Variants in EWSR1 observed in about 807,000 individuals in gnomAD.
The protein encoded by EWSR1 is EWS RNA binding protein 1, also known as RNA-binding protein EWS.
In EWSR1, 14 loss-of-function variants were observed where a neutral mutation model predicts 92.1. The ratio of observed to expected loss-of-function variants is 0.15; its 90% confidence interval spans 0.10 to 0.24. The LOEUF (loss-of-function observed/expected upper bound fraction) is 0.24. Among genes scored for constraint, EWSR1 ranks in the 10% least tolerant of loss-of-function variants. The probability of loss-of-function intolerance (pLI) is 1.00; values close to 1 mark genes in which losing one functional copy is unlikely to be tolerated. For missense variants in EWSR1, 637 were observed against 870.9 expected, an observed-to-expected ratio of 0.73 and a Z score of 3.38; for synonymous variants, 303 against 292.9, an observed-to-expected ratio of 1.03 and a Z score of -0.35.
At chr22:29,298,037 A>G (rs2061004332) in intron 13 of EWSR1, 88 bp downstream of exon 13, 1 of 1,422,956 alleles carries the variant, frequency 7.0e-7, no homozygotes. Context: ...GTGAAGAAAT[A>G]TAAAATTGTG....
intron 6 of EWSR1, among the ~76,000 whole-genome samples, chr22:29,284,513 C>G (rs1175092384): frequency 6.6e-6 from 1 of 151,260 alleles, no homozygotes; most frequent in Non-Finnish European, 1.5e-5. Flanking sequence ...AGGTTCGTAC[C>G]TATTGCATTG....
chr22:29,297,753 T>C, intron 12 of EWSR1, 74 bp from the exon 13 acceptor site: 2 of 1,579,628 alleles, frequency 1.3e-6, no homozygotes, highest in Non-Finnish European at 1.7e-6. Context: ...CTGGGAGTGG[T>C]CATTTGATGA....
At chr22:29,291,492 C>A in intron 8 of EWSR1, 70 bp from the exon 9 acceptor site, 1 of 1,472,658 alleles carries the variant, frequency 6.8e-7, no homozygotes, top group Admixed American at 2.1e-5. Context: ...TCCCCACGAG[C>A]CCCCCCAAGG....
At chr22:29,275,989 T>C (rs1183908330) in intron 4 of EWSR1, 2 of 231,234 alleles carry the variant, frequency 8.6e-6, no homozygotes, top group Admixed American at 5.6e-5. Context: ...TTCATTTTGC[T>C]TGGCTGCTTT....
rs2061089649 is a variant in EWSR1, at chr22:29,298,742, G to T, written c.1427G>T (p.Gly476Val). Reference sequence around the variant, plus strand: ...GTTGTTCTTGTTGTAGGTCCAGGAGGCCCAGGAGGTCCTGGGGGACCCATG... The same window carrying T: ...GTTGTTCTTGTTGTAGGTCCAGGAGTCCCAGGAGGTCCTGGGGGACCCATG... ...MPPPLRGGPG[G>V]PGGPGGPMGR... The change falls in exon 14 of 17, where the codon GGC becomes GTC. Residue 476 changes from glycine to valine, a missense_variant. Gly to Val is a moderately radical substitution (Grantham distance 109). Transcript: ENST00000397938. The T allele has an allele frequency of 6.2e-7, 1 of 1,613,250 alleles. No homozygotes were observed. Among genetic ancestry groups the T allele is most frequent in the Non-Finnish European group, 8.5e-7 (1 of 1,179,824 alleles).
At chr22:29,274,471 G>T in intron 4 of EWSR1, 1 of 556,098 alleles carries the variant, frequency 1.8e-6, no homozygotes, top group Non-Finnish European at 3.2e-6. Context: ...ATATGATTTT[G>T]GGAAAGGTTT....
At position 29,278,118 on chromosome 22, in the gene EWSR1, C is replaced by A. The variant is rs780159761; in HGVS notation, c.315C>A (p.Val105=). Residue 105 remains valine, a synonymous_variant, in exon 5 of 17, where the codon GTC becomes GTA. Coordinates refer to ENST00000397938, the MANE Select transcript of EWSR1 (RefSeq NM_005243.4). The part of the protein sequence containing the change: ...TGAYDTTTAT[V]TTTQASYAAQ... ...CTTATGATACCACCACTGCTACAGT[C>A]ACCACCACCCAGGCCTCCTATGCAG... The A allele has an allele frequency of 6.2e-7, 1 of 1,614,186 alleles. No homozygotes were observed. The highest frequency in any genetic ancestry group is 8.5e-7 in the Non-Finnish European group (1 of 1,180,024).
At chr22:29,276,381 C>T (rs2059126034) in intron 4 of EWSR1, 1 of 225,656 alleles carries the variant, frequency 4.4e-6, no homozygotes, top group African/African-American at 2.2e-5. Context: ...CACATTTTAA[C>T]TCAGCAGTTT....
In EWSR1 at chr22:29,272,228, A is replaced by G. The variant is rs768830118; in HGVS notation, c.26A>G (p.Tyr9Cys). The change falls in exon 2 of 17, where the codon TAT (tyrosine) becomes TGT (cysteine). Residue 9 changes from tyrosine to cysteine, a missense_variant. Around this residue, in one of 5 missense-constraint regions of EWSR1, gnomAD observed 144 missense variants for 189.0 expected, o/e 0.76. Coordinates refer to ENST00000397938, the MANE Select transcript of EWSR1 (RefSeq NM_005243.4). MASTDYST[Y>C]SQAAAQQGYS... ...TGTTTTCCTCTAGATTACAGTACCT[A>G]TAGCCAAGCTGCAGCGCAGCAGGGG... 6.2e-7 allele frequency: 1 copy of G among 1,614,084 alleles called. No individual in the cohort carries two copies. Among genetic ancestry groups the G allele is most frequent in the Non-Finnish European group, 8.5e-7 (1 of 1,179,964 alleles).
intron 5 of EWSR1, among the ~76,000 whole-genome samples, chr22:29,280,562 CTT>C (rs936739258): frequency 1.3e-5 from 2 of 152,002 alleles, no homozygotes; most frequent in African/African-American, 4.8e-5. Flanking sequence ...GGAGGGGTCT[CTT>C]TGCCTTACTC....
intron 2 of EWSR1, 54 bp downstream of exon 2, chr22:29,272,306 TG>T: frequency 6.2e-7 from 1 of 1,611,304 alleles, no homozygotes; most frequent in Non-Finnish European, 8.5e-7. Context: ...TTTTTGAATA[TG>T]GAGCCTTCTA....
intron 6 of EWSR1, among the ~76,000 whole-genome samples, chr22:29,284,284 T>C (rs1396479413): frequency 6.6e-6 from 1 of 151,514 alleles, no homozygotes; most frequent in Non-Finnish European, 1.5e-5. Flanking sequence ...AGCCTGCAAG[T>C]TTTCTTAACC....
At chr22:29,282,178 T>C (rs2059662339) in intron 5 of EWSR1, among the ~76,000 whole-genome samples, 1 of 152,182 alleles carries the variant, frequency 6.6e-6, no homozygotes, top group Non-Finnish European at 1.5e-5. Flanking sequence ...CCCCCTTCCT[T>C]AGTGTTGTCT....
intron 3 of EWSR1, among the ~76,000 whole-genome samples, chr22:29,273,228 G>A (rs149969412): frequency 1.3e-5 from 2 of 152,318 alleles, no homozygotes; most frequent in East Asian, 3.9e-4. Context: ...CTTTGAAGTG[G>A]TATAGTAGTT....
At chr22:29,288,068 C>T (rs2060182216) in intron 7 of EWSR1, among the ~76,000 whole-genome samples, 1 of 152,146 alleles carries the variant, frequency 6.6e-6, no homozygotes, top group Admixed American at 6.5e-5. Context: ...GAAAAATAAT[C>T]CTCCTCACAG....
Position 29,300,422 on chromosome 22 carries a change from A to G in EWSR1, c.*261A>G. Reference sequence around the variant, plus strand: ...GGAACCCCTTGTGAGCATGCTCAGTATCATTGTGGAGAACCAAGAGGGCCT... The same window carrying G: ...GGAACCCCTTGTGAGCATGCTCAGTGTCATTGTGGAGAACCAAGAGGGCCT... On this transcript the variant is annotated 3_prime_UTR_variant, in exon 17 of 17. Transcript: ENST00000397938. 1 of 383,466 alleles carries G rather than the reference A, an allele frequency of 2.6e-6. No homozygotes were observed. The highest frequency in any genetic ancestry group is 4.2e-5 in the East Asian group (1 of 23,940). 23.8% of individuals were successfully genotyped at this position (383,466 alleles called of 1,614,324 possible).
In EWSR1 at chr22:29,292,133, G is replaced by A. The variant is rs2060487299; in HGVS notation, c.1013-4G>A. The A allele has an allele frequency of 9.3e-6, 15 of 1,613,568 alleles. No homozygotes were observed. The highest frequency in any genetic ancestry group is 1.3e-5 in the Non-Finnish European group (15 of 1,179,630). On this transcript the variant is annotated splice_polypyrimidine_tract_variant and splice_region_variant and intron_variant, in intron 9 of 16. Coordinates refer to ENST00000397938, the MANE Select transcript of EWSR1 (RefSeq NM_005243.4). ...TATTTTATATGATCTTTCCTGGTTG[G>A]CAGGACCCATGGATGAAGGACCAGA...
At chr22:29,280,862 G>GTTTTTTTTTTTTTTTTT (rs71196650) in intron 5 of EWSR1, among the ~76,000 whole-genome samples, 1 of 62,902 alleles carries the variant, frequency 1.6e-5, no homozygotes, top group Non-Finnish European at 3.1e-5. Context: ...TGTGTGTGTT[G>GTTTTTTTTTTTTTTTTT]TTTTTTTTTT....
At chr22:29,274,381 A>C in intron 4 of EWSR1, 2 of 1,333,504 alleles carry the variant, frequency 1.5e-6, no homozygotes, top group South Asian at 1.2e-5. Context: ...TGAACCCCCA[A>C]ACTTTCTAAC....
Sources: allele counts gnomAD v4.1 joint callset (sites outside exome capture counted in the v4.1 genomes callset), GRCh38; gene constraint gnomAD v4.1.1; regional missense constraint gnomAD v4.1.1; transcripts MANE v1.5; gene names NCBI Gene and HGNC (gene_info 2026-07-23, HGNC 2026-07-21).